GPC5: variants seen among roughly 807,000 people sequenced by gnomAD.
GPC5 encodes the protein glypican-5.
A neutral mutation model predicts 53.9 loss-of-function variants in GPC5; 47 were observed. The observed-to-expected ratio is 0.87, with a 90% CI of 0.69 to 1.11. The LOEUF (loss-of-function observed/expected upper bound fraction) is 1.11. Among genes scored for constraint, GPC5 ranks in the 50% most tolerant of loss-of-function variants. The probability of loss-of-function intolerance (pLI) is 0.00; values close to 1 mark genes in which losing one functional copy is unlikely to be tolerated. For missense variants in GPC5, 748 were observed against 713.1 expected (o/e 1.05, Z -0.56); for synonymous variants, 286 against 263.3 (o/e 1.09, Z -0.84).
chr13:91,607,716 C>T (rs997997395), intron 2 of GPC5, among the ~76,000 whole-genome samples: 3 of 152,132 alleles, frequency 2.0e-5, no homozygotes, highest in Non-Finnish European at 2.9e-5. Flanking sequence ...GTATTCATGG[C>T]CACCCTTCTA....
intron 6 of GPC5, among the ~76,000 whole-genome samples, chr13:92,143,056 G>T (rs910654226): frequency 6.6e-6 from 1 of 151,992 alleles, no homozygotes; most frequent in Admixed American, 6.6e-5. Context: ...TTAAATATTT[G>T]CAAAGTGCTT....
chr13:92,498,844 G>A (rs769764076), intron 7 of GPC5, among the ~76,000 whole-genome samples: 40 of 152,130 alleles, frequency 2.6e-4, no homozygotes, highest in Admixed American at 6.5e-4. Flanking sequence ...CATATTATCC[G>A]GCATAGATAA....
intron 2 of GPC5, among the ~76,000 whole-genome samples, chr13:91,688,122 G>A (rs2035662117): frequency 6.6e-6 from 1 of 152,012 alleles, no homozygotes; most frequent in Admixed American, 6.6e-5. Flanking sequence ...CATGGTATAA[G>A]AACAAAGTGA....
intron 7 of GPC5, among the ~76,000 whole-genome samples, chr13:92,218,199 A>T (rs775153285): frequency 1.3e-5 from 2 of 152,088 alleles, no homozygotes; most frequent in Non-Finnish European, 2.9e-5. Flanking sequence ...AAGTGCTGGG[A>T]CTACAGTTGC....
At chr13:92,148,699 C>T (rs2041886022) in intron 7 of GPC5, among the ~76,000 whole-genome samples, 1 of 152,052 alleles carries the variant, frequency 6.6e-6, no homozygotes, top group Non-Finnish European at 1.5e-5. Context: ...AGTCGCCTCA[C>T]CCCTTGCCTG....
chr13:92,592,973 C>T (rs12873628), intron 7 of GPC5, among the ~76,000 whole-genome samples: 31,357 of 150,620 alleles, frequency 0.21, 4,576 homozygotes, highest in Admixed American at 0.27. Flanking sequence ...AGGAAGTGGG[C>T]GATGTGCAGT....
At chr13:91,709,941 A>G (rs969326754) in intron 3 of GPC5, among the ~76,000 whole-genome samples, 3 of 152,168 alleles carry the variant, frequency 2.0e-5, no homozygotes, top group Non-Finnish European at 4.4e-5. Context: ...CATGGTGTAA[A>G]GTTCCCTTTG....
intron 2 of GPC5, among the ~76,000 whole-genome samples, chr13:91,636,164 T>G (rs2034279723): frequency 6.6e-6 from 1 of 152,138 alleles, no homozygotes. Context: ...TGCTTCAATT[T>G]TATTGTTTAA....
At chr13:91,664,665 C>T (rs1460639035) in intron 2 of GPC5, among the ~76,000 whole-genome samples, 1 of 152,180 alleles carries the variant, frequency 6.6e-6, no homozygotes, top group Non-Finnish European at 1.5e-5. Context: ...GAAACCAGGA[C>T]CTAATATTCC....
intron 5 of GPC5, among the ~76,000 whole-genome samples, chr13:91,769,039 G>A (rs942779589): frequency 3.3e-5 from 5 of 151,952 alleles, no homozygotes. Flanking sequence ...CTCTCTGAAA[G>A]CAACTTATTT....
At chr13:92,757,431 C>T (rs762651610) in intron 7 of GPC5, among the ~76,000 whole-genome samples, 2 of 152,154 alleles carry the variant, frequency 1.3e-5, no homozygotes, top group East Asian at 1.9e-4. Flanking sequence ...GCAAGGACTT[C>T]GTGTCTAAAA....
At chr13:92,345,581 C>T (rs1374316403) in intron 7 of GPC5, among the ~76,000 whole-genome samples, 1 of 152,130 alleles carries the variant, frequency 6.6e-6, no homozygotes, top group Admixed American at 6.6e-5. Context: ...TTGAGACACC[C>T]ACGTCATTTG....
intron 2 of GPC5, among the ~76,000 whole-genome samples, chr13:91,658,826 C>T (rs1311159609): frequency 1.3e-5 from 2 of 152,124 alleles, no homozygotes; most frequent in Non-Finnish European, 1.5e-5. Context: ...CTTCCTACCT[C>T]GGGGCCTTCA....
chr13:92,436,140 G>A (rs1877295585), intron 7 of GPC5, among the ~76,000 whole-genome samples: 1 of 152,124 alleles, frequency 6.6e-6, no homozygotes, highest in Admixed American at 6.6e-5. Flanking sequence ...ATCCATTAAT[G>A]TTGATGGAAA....
intron 7 of GPC5, among the ~76,000 whole-genome samples, chr13:92,743,606 GA>G (rs1450303951): frequency 1.3e-5 from 2 of 152,122 alleles, no homozygotes; most frequent in African/African-American, 4.8e-5. Flanking sequence ...GCCCTGGCCA[GA>G]ACTTCCAACA....
intron 7 of GPC5, among the ~76,000 whole-genome samples, chr13:92,502,289 A>G (rs1416219698): frequency 2.0e-5 from 3 of 152,016 alleles, no homozygotes; most frequent in Non-Finnish European, 4.4e-5. Flanking sequence ...CCCAAGGAAA[A>G]TAAGAAAAGA....
At chr13:92,292,462 C>A (rs2043004557) in intron 7 of GPC5, among the ~76,000 whole-genome samples, 1 of 152,052 alleles carries the variant, frequency 6.6e-6, no homozygotes, top group South Asian at 2.1e-4. Context: ...CATTTGTTGG[C>A]CATTTGTGTA....
At chr13:92,171,849 C>A (rs1236813770) in intron 7 of GPC5, among the ~76,000 whole-genome samples, 1 of 152,168 alleles carries the variant, frequency 6.6e-6, no homozygotes, top group East Asian at 1.9e-4. Context: ...GCTCTTCATG[C>A]CTGCTACCCT....
At chr13:92,388,622 G>A (rs768537972) in intron 7 of GPC5, among the ~76,000 whole-genome samples, 6 of 152,222 alleles carry the variant, frequency 3.9e-5, no homozygotes, top group Non-Finnish European at 8.8e-5. Context: ...GAGTATATCC[G>A]TAAGATGATA....
Sources: gnomAD v4.1 joint callset for allele counts (sites outside exome capture counted in the v4.1 genomes callset) on GRCh38, gnomAD v4.1.1 for gene constraint, MANE v1.5 for transcripts, NCBI Gene and HGNC (gene_info 2026-07-23, HGNC 2026-07-21) for gene names.